Variants in DEAF1 observed in about 807,000 individuals in gnomAD.
DEAF1 encodes DEAF1 transcription factor.
DEAF1 carries 53 observed loss-of-function variants against 58.9 expected under a neutral mutation model. That is an observed-to-expected ratio of 0.90 (90% confidence interval 0.72 to 1.13). The LOEUF (loss-of-function observed/expected upper bound fraction) is 1.13, where lower values mean the gene tolerates loss of function less well. Ranked by LOEUF, DEAF1 falls within the 50% of genes most tolerant of loss-of-function variation. The pLI is 0.00. For missense variants in DEAF1, 685 were observed against 791.4 expected (o/e 0.87, Z 1.61); for synonymous variants, 385 against 340.4 (o/e 1.13, Z -1.44).
At chr11:653,244 C>T (rs1214755333) in intron 11 of DEAF1, among the ~76,000 whole-genome samples, 1 of 146,828 alleles carries the variant, frequency 6.8e-6, no homozygotes, top group Non-Finnish European at 1.5e-5. Flanking sequence ...GAACTGTGGA[C>T]GCTGTCTCTC....
Position 694,877 on chromosome 11 carries a change from C to T in DEAF1, c.171G>A (p.Glu57=). The T allele has an allele frequency of 6.7e-7, 1 of 1,501,766 alleles. No homozygotes were observed. Among genetic ancestry groups the T allele is most frequent in the Non-Finnish European group, 8.8e-7 (1 of 1,130,212 alleles). 93.0% of individuals were successfully genotyped at this position (1,501,766 alleles called of 1,614,324 possible). Reference sequence around the variant, plus strand: ...CTGCCGTGACCCGCGGCGTCTCCCGCTCCGCCTCCGAGTCTGCGTCCTCCT... The same window carrying T: ...CTGCCGTGACCCGCGGCGTCTCCCGTTCCGCCTCCGAGTCTGCGTCCTCCT... ...DSEEDADSEA[E]RETPRVTAVA... Residue 57 remains glutamate (E), a synonymous_variant, in exon 1 of 12, where the codon GAG becomes GAA. Transcript: ENST00000382409.
upstream of DEAF1, chr11:698,846 C>A: frequency 1.9e-6 from 3 of 1,614,126 alleles, no homozygotes; most frequent in Non-Finnish European, 2.5e-6. Flanking sequence ...TCAGGCCTTG[C>A]TCACGGCCCC....
At position 644,347 on chromosome 11, in the gene DEAF1, GCGGGCAGGGGGCC is replaced by G. The variant is rs1858376405; in HGVS notation, c.*190_*202del. Reference sequence around the variant, plus strand: ...CCAGGGATAAAAAATCTGTCCGCGAGCGGGCAGGGGGCCCGGGCAGGGGGAGTGCGCTTCCCAG... The same window carrying G: ...CCAGGGATAAAAAATCTGTCCGCGAGCGGGCAGGGGGAGTGCGCTTCCCAG... On this transcript the variant is annotated 3_prime_UTR_variant, in exon 12 of 12. Coordinates refer to ENST00000382409, the MANE Select transcript of DEAF1 (RefSeq NM_021008.4). This position sits in a 1 kb window ranked among gnomAD's most constrained non-coding sequence, Gnocchi z 4.3. 1.3e-5 allele frequency: 8 copies of G among 626,786 alleles called. No individual in the cohort carries two copies. Among genetic ancestry groups the G allele is most frequent in the East Asian group, 8.2e-5 (3 of 36,416 alleles). 38.8% of individuals were successfully genotyped at this position (626,786 alleles called of 1,614,324 possible). A position where few individuals can be genotyped will look rare whatever the true frequency, so the allele number is the denominator to read the frequency against.
At chr11:666,873 CAA>C (rs532628897) in intron 10 of DEAF1, among the ~76,000 whole-genome samples, 97 of 60,248 alleles carry the variant, frequency 1.6e-3, no homozygotes, top group African/African-American at 3.9e-3. Context: ...ACTCTGTCTC[CAA>C]AAAAAAAAAA....
At chr11:665,932 C>G (rs1352683889) in intron 10 of DEAF1, 1 of 152,270 alleles carries the variant, frequency 6.6e-6, no homozygotes, top group Non-Finnish European at 1.5e-5. Flanking sequence ...CACATAAACG[C>G]TCCCCACGTC....
In DEAF1 at chr11:679,659, C is replaced by T. The variant is rs116649023; in HGVS notation, c.1126+29G>A. 1,507 of 1,607,998 alleles carry T rather than the reference C, an allele frequency of 9.4e-4. 17 individuals carry two copies. The African/African-American group carries it at 0.018, about 19-fold the overall frequency. ...GTCACAGACAGGGATATGCTGAGGACGCGTCAGGCAGGCACTGGAGCAGCT... is the reference window on the plus strand; with the variant it reads ...GTCACAGACAGGGATATGCTGAGGATGCGTCAGGCAGGCACTGGAGCAGCT... On this transcript the variant is annotated intron_variant, in intron 8 of 11. Transcript: ENST00000382409.
chr11:670,161 G>T (rs1221538133), intron 10 of DEAF1, among the ~76,000 whole-genome samples: 1 of 151,890 alleles, frequency 6.6e-6, no homozygotes, highest in African/African-American at 2.4e-5. Context: ...CTTCTGCAGG[G>T]ATTGAAATGG....
intron 5 of DEAF1, among the ~76,000 whole-genome samples, chr11:685,979 A>G (rs1177951267): frequency 7.0e-6 from 1 of 143,672 alleles, no homozygotes; most frequent in Non-Finnish European, 1.5e-5. Flanking sequence ...CCCTGTCCCT[A>G]TTAAAAAATA....
intron 5 of DEAF1, among the ~76,000 whole-genome samples, chr11:685,585 C>T (rs764544752): frequency 3.3e-5 from 5 of 152,080 alleles, no homozygotes; most frequent in Non-Finnish European, 7.4e-5. Flanking sequence ...GTCCCAGCTA[C>T]CTGGGAGGCT....
intron 10 of DEAF1, among the ~76,000 whole-genome samples, chr11:659,179 C>T (rs568612321): frequency 1.3e-5 from 2 of 151,042 alleles, no homozygotes; most frequent in Admixed American, 1.3e-4. Context: ...ATCGCTTGAG[C>T]CCAAGAGTTT....
chr11:677,344 C>CAAAA (rs1860129202), intron 9 of DEAF1, among the ~76,000 whole-genome samples: 2 of 86,472 alleles, frequency 2.3e-5, no homozygotes, highest in Non-Finnish European at 5.4e-5. Context: ...ACTAAAAATA[C>CAAAA]AAAAATTAGC....
chr11:705,205 T>C (rs1445183922), intron 1 of DEAF1: 1 of 164,106 alleles, frequency 6.1e-6, no homozygotes, highest in Non-Finnish European at 1.3e-5. Flanking sequence ...ACCCAGACTC[T>C]TGGCCACGCT....
At chr11:661,181 A>G (rs1859303418) in intron 10 of DEAF1, among the ~76,000 whole-genome samples, 1 of 152,218 alleles carries the variant, frequency 6.6e-6, no homozygotes, top group South Asian at 2.1e-4. Context: ...CGCTCAGGGC[A>G]GCATGGCCAA....
At chr11:655,545 G>A (rs539502887) in intron 10 of DEAF1, among the ~76,000 whole-genome samples, 6 of 152,346 alleles carry the variant, frequency 3.9e-5, no homozygotes, top group African/African-American at 1.4e-4. Context: ...ATCCGCAGCT[G>A]CGGGAGGGGC....
chr11:662,972 C>T lies in DEAF1; in HGVS notation c.1504-8921G>A, dbSNP rs150307700. Among the ~76,000 whole-genome samples the T allele has an allele frequency of 2.0e-3, 311 of 152,330 alleles. 2 individuals carry two copies. The highest frequency in any genetic ancestry group is 7.1e-3 in the African/African-American group (295 of 41,582). Reference sequence around the variant, plus strand: ...TGCCCATTCCCAGCCTCCCTGAGCACAACCGCTGTCCTGATGCTCTGAAAG... The same window carrying T: ...TGCCCATTCCCAGCCTCCCTGAGCATAACCGCTGTCCTGATGCTCTGAAAG... On this transcript the variant is annotated intron_variant, in intron 10 of 11. Transcript: ENST00000382409.
At chr11:694,367 A>C in intron 1 of DEAF1, 1 of 172,782 alleles carries the variant, frequency 5.8e-6, no homozygotes, top group Non-Finnish European at 1.2e-5. Context: ...TGTGCGGGGC[A>C]GGTAGGGCAG....
Position 644,370 on chromosome 11 carries a change from G to T in DEAF1, c.*180C>A. 4 of 651,934 alleles carry T rather than the reference G, an allele frequency of 6.1e-6. No homozygotes were observed. The highest frequency in any genetic ancestry group is 3.4e-5 in the South Asian group (2 of 58,472). The allele number at this position is 651,934 out of a possible 1,614,324, so 40.4% of individuals were successfully genotyped here. Reference sequence around the variant, plus strand: ...GAGCGGGCAGGGGGCCCGGGCAGGGGGAGTGCGCTTCCCAGGGCACCATTC... The same window carrying T: ...GAGCGGGCAGGGGGCCCGGGCAGGGTGAGTGCGCTTCCCAGGGCACCATTC... On this transcript the variant is annotated 3_prime_UTR_variant, in exon 12 of 12. Coordinates refer to ENST00000382409, the MANE Select transcript of DEAF1 (RefSeq NM_021008.4). The surrounding 1 kb of genome is among the most constrained non-coding windows in gnomAD (Gnocchi z 4.3).
intron 9 of DEAF1, among the ~76,000 whole-genome samples, chr11:675,676 T>C (rs1437070228): frequency 6.6e-6 from 1 of 151,868 alleles, no homozygotes. Context: ...ATACAAAAAT[T>C]AGCTAGGCGT....
chr11:693,227 T>A (rs539267188), intron 1 of DEAF1, among the ~76,000 whole-genome samples: 1 of 152,272 alleles, frequency 6.6e-6, no homozygotes, highest in East Asian at 1.9e-4. Flanking sequence ...TTCAGAAAAA[T>A]ACGTGCAAAA....
Sources: gnomAD v4.1 joint callset for allele counts (sites outside exome capture counted in the v4.1 genomes callset) on GRCh38, gnomAD v4.1.1 for gene constraint, Gnocchi (gnomAD v3.1) non-coding constraint, MANE v1.5 for transcripts, NCBI Gene and HGNC (gene_info 2026-07-23, HGNC 2026-07-21) for gene names.